Variants in MACROD2 observed in about 807,000 individuals in gnomAD.
The protein encoded by MACROD2 is ADP-ribose glycohydrolase MACROD2.
Under a neutral mutation model 70.4 loss-of-function variants are expected in MACROD2, and 36 were observed. That is an observed-to-expected ratio of 0.51 (90% CI 0.39 to 0.68). The LOEUF is 0.68. Ranked by LOEUF, MACROD2 falls within the 30% of genes least tolerant of loss-of-function variation. The pLI is 0.00. For missense variants in MACROD2, 496 were observed against 538.4 expected, an observed-to-expected ratio of 0.92 and a Z score of 0.78; for synonymous variants, 172 against 178.8, an observed-to-expected ratio of 0.96 and a Z score of 0.30.
At chr20:15,539,320 T>G (rs766026343) in intron 8 of MACROD2, among the ~76,000 whole-genome samples, 6 of 152,206 alleles carry the variant, frequency 3.9e-5, no homozygotes, top group East Asian at 1.9e-4. Flanking sequence ...GGGCTTAAGC[T>G]GACTGTAGGA....
intron 5 of MACROD2, among the ~76,000 whole-genome samples, chr20:14,802,230 A>G (rs1247385633): frequency 6.6e-6 from 1 of 152,112 alleles, no homozygotes; most frequent in African/African-American, 2.4e-5. Context: ...GTTTCTAACC[A>G]TAGAAGGCAG....
intron 8 of MACROD2, among the ~76,000 whole-genome samples, chr20:15,655,316 CTT>C (rs10595680): frequency 0.51 from 70,868 of 139,876 alleles, 17,927 homozygotes; most frequent in African/African-American, 0.59. Context: ...TAGAGTTCCA[CTT>C]TTTTTTTTTT....
intron 6 of MACROD2, among the ~76,000 whole-genome samples, chr20:15,256,461 C>A (rs1403504869): frequency 6.6e-6 from 1 of 151,242 alleles, no homozygotes; most frequent in Non-Finnish European, 1.5e-5. Context: ...TTAAAATATA[C>A]AATTAGTACC....
Position 14,349,417 on chromosome 20 carries a change from TAG to T in MACROD2, c.272-144061_272-144060del, listed in dbSNP as rs551450497. ...TGTTGTACTTCAGTTAATACTCTTT[TAG>T]TTATTTTAAAATGGCTATAGTCACC... On this transcript the variant is annotated intron_variant, in intron 3 of 17. Coordinates refer to ENST00000684519, the MANE Select transcript of MACROD2 (RefSeq NM_001351661.2). Among the ~76,000 whole-genome samples, 575 of 151,066 alleles carry T rather than the reference TAG, an allele frequency of 3.8e-3. 6 individuals are homozygous for T. The highest frequency in any genetic ancestry group is 0.014 in the African/African-American group (560 of 41,346).
At chr20:14,129,029 C>G (rs1228773355) in intron 3 of MACROD2, among the ~76,000 whole-genome samples, 1 of 152,146 alleles carries the variant, frequency 6.6e-6, no homozygotes, top group African/African-American at 2.4e-5. Flanking sequence ...ATTCTTCAGC[C>G]CATGCACCAA....
chr20:15,647,007 A>G (rs1392222082), intron 8 of MACROD2, among the ~76,000 whole-genome samples: 1 of 152,308 alleles, frequency 6.6e-6, no homozygotes, highest in South Asian at 2.1e-4. Context: ...ACCTGACCAT[A>G]TTGCATCTCA....
At chr20:15,966,796 C>A (rs2066146545) in intron 12 of MACROD2, among the ~76,000 whole-genome samples, 1 of 152,110 alleles carries the variant, frequency 6.6e-6, no homozygotes, top group Admixed American at 6.6e-5. Context: ...ATGAATGAGA[C>A]CTACTTGCTG....
intron 3 of MACROD2, among the ~76,000 whole-genome samples, chr20:14,348,538 A>C (rs1260040869): frequency 2.0e-5 from 3 of 151,662 alleles, no homozygotes; most frequent in African/African-American, 7.3e-5. Context: ...TATGAACAAC[A>C]TCTTTTATTA....
chr20:15,470,854 CCT>C (rs2046955485), intron 7 of MACROD2, among the ~76,000 whole-genome samples: 1 of 152,194 alleles, frequency 6.6e-6, no homozygotes, highest in Admixed American at 6.5e-5. Context: ...ACATAGAACT[CCT>C]CTCTGCCACC....
intron 3 of MACROD2, among the ~76,000 whole-genome samples, chr20:14,282,723 AG>A (rs2122412638): frequency 1.3e-5 from 2 of 152,276 alleles, no homozygotes; most frequent in African/African-American, 4.8e-5. Context: ...TGGAAGGCAA[AG>A]GAGGAGCAGG....
intron 8 of MACROD2, among the ~76,000 whole-genome samples, chr20:15,744,741 A>T (rs2051156886): frequency 6.6e-6 from 1 of 150,950 alleles, no homozygotes; most frequent in African/African-American, 2.4e-5. Context: ...CACACACTAC[A>T]CACAAGGTGT....
intron 3 of MACROD2, among the ~76,000 whole-genome samples, chr20:14,475,391 C>T (rs1029743113): frequency 2.0e-5 from 3 of 152,072 alleles, no homozygotes; most frequent in African/African-American, 7.2e-5. Flanking sequence ...AAGTGGTTTA[C>T]ACACCATGAT....
intron 5 of MACROD2, among the ~76,000 whole-genome samples, chr20:14,870,965 G>A (rs1260390124): frequency 6.6e-6 from 1 of 152,078 alleles, no homozygotes; most frequent in African/African-American, 2.4e-5. Context: ...GATCACATTT[G>A]TCAATTTTTG....
chr20:14,299,415 G>C (rs775113408), intron 3 of MACROD2, among the ~76,000 whole-genome samples: 3 of 152,080 alleles, frequency 2.0e-5, no homozygotes, highest in African/African-American at 4.8e-5. Context: ...CCAGAAACGT[G>C]ACCCACTTTA....
At chr20:15,111,707 A>C (rs1056153842) in intron 5 of MACROD2, among the ~76,000 whole-genome samples, 4 of 152,208 alleles carry the variant, frequency 2.6e-5, no homozygotes, top group Non-Finnish European at 4.4e-5. Context: ...CATCACATAC[A>C]AGTATCACTG....
intron 6 of MACROD2, among the ~76,000 whole-genome samples, chr20:15,325,168 T>C (rs1437780636): frequency 1.3e-5 from 2 of 152,186 alleles, no homozygotes; most frequent in Non-Finnish European, 2.9e-5. Flanking sequence ...TTTCACCCCA[T>C]TGGTCCTTGT....
At chr20:14,859,213 C>T (rs2073288483) in intron 5 of MACROD2, among the ~76,000 whole-genome samples, 1 of 151,910 alleles carries the variant, frequency 6.6e-6, no homozygotes, top group South Asian at 2.1e-4. Context: ...ACCACCTGTA[C>T]CCCAAAAACT....
Position 14,932,290 on chromosome 20 carries a change from A to G in MACROD2, c.418+247331A>G, listed in dbSNP as rs1459612528. Among the ~76,000 whole-genome samples, 6 of 152,112 alleles carry G rather than the reference A, an allele frequency of 3.9e-5. No homozygotes were observed. The East Asian group carries it at 1.2e-3, about 29-fold the overall frequency. On this transcript the variant is annotated intron_variant, in intron 5 of 17. Coordinates refer to ENST00000684519, the MANE Select transcript of MACROD2 (RefSeq NM_001351661.2). ...GTTCCAGTGAATGGAAATGAGCTGA[A>G]GGAACAGCCGTGACACTCACTTTCA...
At chr20:15,631,938 G>C (rs887405091) in intron 8 of MACROD2, among the ~76,000 whole-genome samples, 6 of 152,140 alleles carry the variant, frequency 3.9e-5, no homozygotes, top group African/African-American at 1.4e-4. Flanking sequence ...AGGAGTTCGA[G>C]ACCAGCCTGG....
Sources: allele counts gnomAD v4.1 joint callset (sites outside exome capture counted in the v4.1 genomes callset), GRCh38; gene constraint gnomAD v4.1.1; transcripts MANE v1.5; gene names NCBI Gene and HGNC (gene_info 2026-07-23, HGNC 2026-07-21).